CTTNBP2: variants seen among roughly 807,000 people sequenced by gnomAD.
The protein encoded by CTTNBP2 is cortactin-binding protein 2.
CTTNBP2 carries 108 observed loss-of-function variants against 156.9 expected under a neutral mutation model. The observed-to-expected ratio is 0.69, with a 90% CI of 0.59 to 0.81. The LOEUF (loss-of-function observed/expected upper bound fraction) is 0.81, where lower values mean the gene tolerates loss of function less well. Among genes scored for constraint, CTTNBP2 ranks in the 30% least tolerant of loss-of-function variants. CTTNBP2 has a pLI of 0.00. For synonymous variants in CTTNBP2, 767 were observed against 751.8 expected (o/e 1.02, Z -0.33); for missense variants, 1,924 against 2,035.4 (o/e 0.95, Z 1.05).
chr7:117,798,412 A>AT (rs1799438091), intron 3 of CTTNBP2, among the ~76,000 whole-genome samples: 1 of 152,162 alleles, frequency 6.6e-6, no homozygotes, highest in Non-Finnish European at 1.5e-5. Flanking sequence ...GCAGAATTAA[A>AT]CTGGAAATAA....
chr7:117,833,228 G>A (rs190959687), intron 2 of CTTNBP2, among the ~76,000 whole-genome samples: 15 of 152,132 alleles, frequency 9.9e-5, no homozygotes, highest in African/African-American at 3.1e-4. Flanking sequence ...TGCCTCATTC[G>A]TTCCTTCCCA....
chr7:117,784,138 C>A, intron 5 of CTTNBP2, 113 bp downstream of exon 5: 1 of 766,006 alleles, frequency 1.3e-6, no homozygotes, highest in Non-Finnish European at 2.0e-6. Flanking sequence ...CCATTACCAC[C>A]TGTAAAAGAA....
chr7:117,820,939 A>T (rs1800925804), intron 2 of CTTNBP2, among the ~76,000 whole-genome samples: 1 of 152,154 alleles, frequency 6.6e-6, no homozygotes, highest in Non-Finnish European at 1.5e-5. Context: ...TTTTGTCTTC[A>T]GCATAAAAGC....
intron 3 of CTTNBP2, among the ~76,000 whole-genome samples, chr7:117,803,209 C>A (rs1799733154): frequency 6.6e-6 from 1 of 152,094 alleles, no homozygotes; most frequent in African/African-American, 2.4e-5. Context: ...CACATATACG[C>A]CAACTAAAAG....
chr7:117,863,928 T>G (rs10259910), intron 1 of CTTNBP2, among the ~76,000 whole-genome samples: 41,749 of 152,066 alleles, frequency 0.27, 6,480 homozygotes, highest in South Asian at 0.36. Flanking sequence ...GCAATTCTTA[T>G]GTGCTTTAGA....
rs146334496 is a variant in CTTNBP2, at chr7:117,728,248, G to A, written c.3896C>T (p.Ser1299Phe). 3.7e-6 allele frequency: 6 copies of A among 1,613,610 alleles called. No homozygotes were observed. The highest frequency in any genetic ancestry group is 2.7e-5 in the African/African-American group (2 of 74,930). The stretch of plus-strand genomic sequence containing the variant: ...AATCTTGCACACAGGATCGCAGGGG[G>A]AGGGCGCCTGACCTTTGAACTAGAG... Reference protein sequence around the residue: ...VVNKFKGQAPSPCDPVCKIVD... With the variant: ...VVNKFKGQAPFPCDPVCKIVD... The change falls in exon 17 of 23, where the codon TCC (serine) becomes TTC (phenylalanine). Residue 1299 changes from serine to phenylalanine, a missense_variant. Physicochemically the swap from Ser to Phe is radical, Grantham distance 155. Transcript: ENST00000160373.
At chr7:117,858,992 T>C (rs764985221) in intron 2 of CTTNBP2, among the ~76,000 whole-genome samples, 15 of 152,148 alleles carry the variant, frequency 9.9e-5, no homozygotes, top group Non-Finnish European at 1.9e-4. Flanking sequence ...TAGGTTCAAA[T>C]AGACACGTGT....
Position 117,805,026 on chromosome 7 carries a change from T to C in CTTNBP2, c.414+5739A>G, listed in dbSNP as rs555813059. On this transcript the variant is annotated intron_variant, in intron 3 of 22. Coordinates refer to ENST00000160373, the MANE Select transcript of CTTNBP2 (RefSeq NM_033427.3). ...TCTTGATTGTTTCAATCTTTATTAATACATTTTGAATGTCTTTTGAATACC... is the reference window on the plus strand; with the variant it reads ...TCTTGATTGTTTCAATCTTTATTAACACATTTTGAATGTCTTTTGAATACC... 8.5e-5 allele frequency among the ~76,000 whole-genome samples: 13 copies of C among 152,232 alleles called. 1 individual carries two copies. Among genetic ancestry groups the C allele is most frequent in the South Asian group, 8.3e-4 (4 of 4,832 alleles).
At chr7:117,773,006 T>A (rs1043486892) in intron 8 of CTTNBP2, among the ~76,000 whole-genome samples, 3 of 152,132 alleles carry the variant, frequency 2.0e-5, no homozygotes, top group Non-Finnish European at 4.4e-5. Flanking sequence ...CCAGAACAAT[T>A]TTTTAAAAAA....
In CTTNBP2 at chr7:117,777,768, G is replaced by A. The variant is rs1480535510; in HGVS notation, c.2524-3C>T. 7.5e-6 allele frequency: 12 copies of A among 1,600,848 alleles called. No individual in the cohort carries two copies. The East Asian group carries it at 2.5e-4, about 33-fold the overall frequency. ...GCGTGAACTGGTGTCCAGCCATCCTGAAAATAAAATGACCAGGGGGAAAGG... is the reference window on the plus strand; with the variant it reads ...GCGTGAACTGGTGTCCAGCCATCCTAAAAATAAAATGACCAGGGGGAAAGG... On this transcript the variant is annotated splice_polypyrimidine_tract_variant and splice_region_variant and intron_variant, in intron 7 of 22. Coordinates refer to ENST00000160373, the MANE Select transcript of CTTNBP2 (RefSeq NM_033427.3).
chr7:117,834,693 T>C (rs1801821972), intron 2 of CTTNBP2, among the ~76,000 whole-genome samples: 2 of 152,250 alleles, frequency 1.3e-5, no homozygotes, highest in Admixed American at 1.3e-4. Flanking sequence ...TATTGATAAA[T>C]GAACACACTT....
intron 12 of CTTNBP2, 114 bp downstream of exon 12, chr7:117,756,441 C>G: frequency 6.4e-6 from 5 of 785,510 alleles, no homozygotes; most frequent in Non-Finnish European, 1.1e-5. Flanking sequence ...GTAACGGTGT[C>G]AGAGCACAGG....
chr7:117,837,943 A>C (rs1239834539), intron 2 of CTTNBP2, among the ~76,000 whole-genome samples: 1 of 152,188 alleles, frequency 6.6e-6, no homozygotes, highest in African/African-American at 2.4e-5. Flanking sequence ...TTGTGGCCTC[A>C]CTACCTATTA....
chr7:117,848,343 C>T (rs1802728831), intron 2 of CTTNBP2, among the ~76,000 whole-genome samples: 1 of 152,122 alleles, frequency 6.6e-6, no homozygotes, highest in African/African-American at 2.4e-5. Context: ...CGCCTCACCA[C>T]CCCACCTGAT....
chr7:117,766,393 A>C (rs1342544333), intron 9 of CTTNBP2, among the ~76,000 whole-genome samples: 3 of 152,252 alleles, frequency 2.0e-5, no homozygotes, highest in Non-Finnish European at 4.4e-5. Context: ...TTTTCTTCAC[A>C]AAATAAAAGT....
chr7:117,741,935 T>C (rs1796044000), intron 14 of CTTNBP2, among the ~76,000 whole-genome samples: 1 of 152,228 alleles, frequency 6.6e-6, no homozygotes, highest in Non-Finnish European at 1.5e-5. Context: ...ACAATTTATA[T>C]GCAAGCTAAG....
At chr7:117,833,388 A>G (rs141185059) in intron 2 of CTTNBP2, among the ~76,000 whole-genome samples, 101 of 152,302 alleles carry the variant, frequency 6.6e-4, no homozygotes, top group African/African-American at 2.4e-3. Context: ...CCTTCATGAC[A>G]GTCATTTCTG....
chr7:117,771,364 G>T (rs144226534), intron 8 of CTTNBP2, among the ~76,000 whole-genome samples: 1 of 152,348 alleles, frequency 6.6e-6, no homozygotes, highest in East Asian at 1.9e-4. Flanking sequence ...CAAGTGCTGA[G>T]AACAGCCTTG....
chr7:117,791,891 G>A lies in CTTNBP2; in HGVS notation c.1305C>T (p.Thr435=). The change falls in exon 4 of 23, where the codon ACC becomes ACT. Residue 435 remains threonine, a synonymous_variant. Transcript: ENST00000160373. ...GTGGGTTTAGACCTGGATGCAAAGA[G>A]GTGTTGGCACATGGTGAATGTAAAC... ...MHSLHSPCAN[T]SLHPGLNPRI... is the part of the protein sequence containing the mutation. 1 of 1,614,164 alleles carries A rather than the reference G, an allele frequency of 6.2e-7. No individual in the cohort carries two copies. The highest frequency in any genetic ancestry group is 8.5e-7 in the Non-Finnish European group (1 of 1,180,044).
Sources: allele counts gnomAD v4.1 joint callset (sites outside exome capture counted in the v4.1 genomes callset), GRCh38; gene constraint gnomAD v4.1.1; transcripts MANE v1.5; gene names NCBI Gene and HGNC (gene_info 2026-07-23, HGNC 2026-07-21).